Variants in ALCAM observed in about 807,000 individuals in gnomAD.
ALCAM encodes activated leukocyte cell adhesion molecule.
ALCAM carries 30 observed loss-of-function variants against 70.9 expected under a neutral mutation model. The ratio of observed to expected loss-of-function variants is 0.42; its 90% CI spans 0.32 to 0.57. The LOEUF (loss-of-function observed/expected upper bound fraction) is 0.57, where lower values mean the gene tolerates loss of function less well. Among genes scored for constraint, ALCAM ranks in the 20% least tolerant of loss-of-function variants. The pLI, the probability that ALCAM is intolerant of heterozygous loss-of-function variation, is 0.11. For missense variants in ALCAM, 591 were observed against 695.1 expected, an observed-to-expected ratio of 0.85 and a Z score of 1.68; for synonymous variants, 249 against 242.5, an observed-to-expected ratio of 1.03 and a Z score of -0.25.
intron 3 of ALCAM, among the ~76,000 whole-genome samples, chr3:105,527,763 C>T (rs1262677906): frequency 6.6e-6 from 1 of 151,990 alleles, no homozygotes; most frequent in African/African-American, 2.4e-5. Context: ...GATGATAGGC[C>T]ATGTTTAGTG....
At chr3:105,516,874 C>T (rs752217061) in intron 1 of ALCAM, among the ~76,000 whole-genome samples, 2 of 151,910 alleles carry the variant, frequency 1.3e-5, no homozygotes, top group Non-Finnish European at 2.9e-5. Flanking sequence ...CAGTAGTGCC[C>T]GATAATCTCT....
chr3:105,494,803 G>A (rs1668189724), intron 1 of ALCAM, among the ~76,000 whole-genome samples: 1 of 152,004 alleles, frequency 6.6e-6, no homozygotes, highest in East Asian at 1.9e-4. Context: ...GGGAACACAG[G>A]CACCCACCAC....
At chr3:105,373,900 G>T (rs1008489665) in intron 1 of ALCAM, among the ~76,000 whole-genome samples, 2 of 152,084 alleles carry the variant, frequency 1.3e-5, no homozygotes, top group African/African-American at 4.8e-5. Context: ...TGGGAGTTGA[G>T]GATATAATAT....
intron 1 of ALCAM, among the ~76,000 whole-genome samples, chr3:105,380,816 A>T (rs1447565661): frequency 6.6e-6 from 1 of 151,976 alleles, no homozygotes; most frequent in Non-Finnish European, 1.5e-5. Context: ...TTGAAATTAG[A>T]TTATCTGTCA....
At chr3:105,539,300 T>C (rs1235707440) in intron 6 of ALCAM, among the ~76,000 whole-genome samples, 1 of 152,122 alleles carries the variant, frequency 6.6e-6, no homozygotes, top group East Asian at 1.9e-4. Flanking sequence ...CATTCTACTA[T>C]TGAGTGCTGA....
chr3:105,526,142 A>T (rs954422730), intron 3 of ALCAM, among the ~76,000 whole-genome samples: 1 of 152,142 alleles, frequency 6.6e-6, no homozygotes, highest in Admixed American at 6.6e-5. Context: ...TCTAATGGTT[A>T]TATGTATTAA....
intron 14 of ALCAM, among the ~76,000 whole-genome samples, chr3:105,562,658 T>A (rs1423380038): frequency 6.6e-6 from 1 of 152,192 alleles, no homozygotes; most frequent in Non-Finnish European, 1.5e-5. Flanking sequence ...ATAAAATGGA[T>A]CAATAAAAGG....
chr3:105,559,247 CATAT>C (rs985532345), intron 14 of ALCAM, among the ~76,000 whole-genome samples: 1 of 146,230 alleles, frequency 6.8e-6, no homozygotes, highest in African/African-American at 2.5e-5. Context: ...GTACGTATAA[CATAT>C]ATATACATAT....
intron 1 of ALCAM, among the ~76,000 whole-genome samples, chr3:105,379,802 G>A (rs1280386425): frequency 6.6e-6 from 1 of 151,490 alleles, no homozygotes; most frequent in Non-Finnish European, 1.5e-5. Context: ...TTAATATTAA[G>A]GATATTTTGG....
At chr3:105,563,229 T>G (rs1427486251) in intron 14 of ALCAM, among the ~76,000 whole-genome samples, 4 of 151,664 alleles carry the variant, frequency 2.6e-5, no homozygotes, top group South Asian at 2.1e-4. Flanking sequence ...GCCGGTAGAA[T>G]TTTTTATCCC....
chr3:105,480,351 CAAT>C (rs1938236951), intron 1 of ALCAM, among the ~76,000 whole-genome samples: 1 of 150,118 alleles, frequency 6.7e-6, no homozygotes, highest in African/African-American at 2.4e-5. Context: ...GATGTTGTCT[CAAT>C]AAATAAATAA....
At chr3:105,547,084 A>G (rs1940267818) in intron 9 of ALCAM, 65 bp from the exon 10 acceptor site, 4 of 1,312,010 alleles carry the variant, frequency 3.0e-6, no homozygotes, top group Admixed American at 2.7e-5. Flanking sequence ...CTTAATTATT[A>G]TCTAATAAAT....
chr3:105,539,392 A>G (rs948313739), intron 6 of ALCAM, among the ~76,000 whole-genome samples: 3 of 152,094 alleles, frequency 2.0e-5, no homozygotes, highest in Non-Finnish European at 4.4e-5. Context: ...GAACAGGACA[A>G]AATTACAATA....
chr3:105,419,374 A>G (rs1443757056), intron 1 of ALCAM, among the ~76,000 whole-genome samples: 1 of 151,820 alleles, frequency 6.6e-6, no homozygotes, highest in Admixed American at 6.6e-5. Flanking sequence ...TTCTGACTAT[A>G]TAAGACATAA....
intron 1 of ALCAM, among the ~76,000 whole-genome samples, chr3:105,399,330 A>G (rs1936030145): frequency 6.6e-6 from 1 of 152,076 alleles, no homozygotes; most frequent in South Asian, 2.1e-4. Context: ...AAGCTAGTGC[A>G]GTGATTGTTG....
Position 105,552,191 on chromosome 3 carries a change from T to C in ALCAM, c.1546+9T>C. 1 of 1,599,740 alleles carries C rather than the reference T, an allele frequency of 6.3e-7. No homozygotes were observed. The highest frequency in any genetic ancestry group is 8.5e-7 in the Non-Finnish European group (1 of 1,173,470). On this transcript the variant is annotated intron_variant, in intron 13 of 15. Transcript: ENST00000306107. ...GGCAGACGAGATAAGTGGTAGGTAC[T>C]ATGCTGCCGACTCTTCTTCCTTGAC...
intron 1 of ALCAM, among the ~76,000 whole-genome samples, chr3:105,398,534 A>G (rs186683087): frequency 5.8e-4 from 89 of 152,212 alleles, no homozygotes; most frequent in African/African-American, 2.0e-3. Context: ...ATCTTTTGGT[A>G]GCCATCCAGT....
At chr3:105,516,214 A>G (rs960304279) in intron 1 of ALCAM, among the ~76,000 whole-genome samples, 1 of 151,914 alleles carries the variant, frequency 6.6e-6, no homozygotes, top group Non-Finnish European at 1.5e-5. Flanking sequence ...TCAAATGTCT[A>G]TATGTCAGGA....
At chr3:105,371,877 A>C (rs552770877) in intron 1 of ALCAM, among the ~76,000 whole-genome samples, 1 of 152,246 alleles carries the variant, frequency 6.6e-6, no homozygotes, top group East Asian at 1.9e-4. Context: ...CTTAAATGCA[A>C]TTTCTCACAA....
Sources: allele counts gnomAD v4.1 joint callset (sites outside exome capture counted in the v4.1 genomes callset), GRCh38; gene constraint gnomAD v4.1.1; transcripts MANE v1.5; gene names NCBI Gene and HGNC (gene_info 2026-07-23, HGNC 2026-07-21).